The following CRYBG1 variants were observed in gnomAD, a reference collection of about 807,000 sequenced individuals.
The protein encoded by CRYBG1 is beta/gamma crystallin domain-containing protein 1.
CRYBG1 carries 139 observed loss-of-function variants against 189.2 expected under a neutral mutation model. The ratio of observed to expected loss-of-function variants is 0.73; its 90% CI spans 0.64 to 0.85. The LOEUF is 0.85. CRYBG1 is among the 40% of genes least tolerant of loss of function. CRYBG1 has a pLI of 0.00. For missense variants in CRYBG1, 2,611 were observed against 2,675.8 expected (o/e 0.98, Z 0.53); for synonymous variants, 1,023 against 1,017.1 (o/e 1.01, Z -0.11).
chr6:106,497,947 T>A (rs28478361), intron 2 of CRYBG1, among the ~76,000 whole-genome samples: 1 of 151,340 alleles, frequency 6.6e-6, no homozygotes, highest in Non-Finnish European at 1.5e-5. Flanking sequence ...AAAAAAAAAT[T>A]AAAAATAGCT....
At chr6:106,416,831 A>C (rs1370718545) in intron 1 of CRYBG1, among the ~76,000 whole-genome samples, 1 of 152,156 alleles carries the variant, frequency 6.6e-6, no homozygotes, top group Non-Finnish European at 1.5e-5. Flanking sequence ...TGTATAGTCT[A>C]ATCTCATTTT....
chr6:106,367,000 C>T (rs180874113), intron 1 of CRYBG1, among the ~76,000 whole-genome samples: 9 of 152,330 alleles, frequency 5.9e-5, no homozygotes, highest in Admixed American at 1.3e-4. Context: ...ACCCTTCATG[C>T]GCTCTCAGTG....
chr6:106,455,322 A>C (rs1771863841), intron 2 of CRYBG1, among the ~76,000 whole-genome samples: 1 of 152,100 alleles, frequency 6.6e-6, no homozygotes, highest in Non-Finnish European at 1.5e-5. Context: ...GTGAATTAAC[A>C]TTGTAGATTA....
chr6:106,367,584 T>TAA (rs35734014), intron 1 of CRYBG1, among the ~76,000 whole-genome samples: 56,208 of 103,046 alleles, frequency 0.55, 16,206 homozygotes, highest in East Asian at 0.85. Flanking sequence ...AGACTCTGTC[T>TAA]AAAAAAAAAA....
At chr6:106,499,049 A>AT in intron 2 of CRYBG1, among the ~76,000 whole-genome samples, 1 of 149,114 alleles carries the variant, frequency 6.7e-6, no homozygotes, top group Non-Finnish European at 1.5e-5. Context: ...TAATTTATAT[A>AT]TTTTTCATTG....
chr6:106,526,147 G>A (rs1233243629), intron 6 of CRYBG1, among the ~76,000 whole-genome samples: 2 of 152,236 alleles, frequency 1.3e-5, no homozygotes, highest in Admixed American at 6.5e-5. Context: ...AGTAAAGAGG[G>A]TAGACCTCTG....
chr6:106,422,349 T>TTTTTTTTTTTTTTTTTTTTTA (rs1771146521), intron 1 of CRYBG1, among the ~76,000 whole-genome samples: 2 of 151,686 alleles, frequency 1.3e-5, no homozygotes, highest in Admixed American at 6.6e-5. Context: ...TATTTATTTT[T>TTTTTTTTTTTTTTTTTTTTTA]GAGACATGGT....
At chr6:106,399,323 T>C (rs1270637485) in intron 1 of CRYBG1, among the ~76,000 whole-genome samples, 2 of 152,248 alleles carry the variant, frequency 1.3e-5, no homozygotes, top group African/African-American at 4.8e-5. Flanking sequence ...CCTTTAATCA[T>C]ATAAGTTATC....
At chr6:106,529,902 A>C (rs1336721180) in intron 7 of CRYBG1, among the ~76,000 whole-genome samples, 3 of 152,236 alleles carry the variant, frequency 2.0e-5, no homozygotes, top group Non-Finnish European at 4.4e-5. Context: ...AAAAAGAAAT[A>C]TATTCCAAAA....
chr6:106,566,111 T>A (rs1476384217), intron 21 of CRYBG1, among the ~76,000 whole-genome samples: 3 of 150,418 alleles, frequency 2.0e-5, no homozygotes, highest in Non-Finnish European at 4.4e-5. Context: ...CAACATGTAT[T>A]CACGGGGTAC....
At chr6:106,536,592 G>C (rs9486386) in intron 8 of CRYBG1, among the ~76,000 whole-genome samples, 45,743 of 152,068 alleles carry the variant, frequency 0.3, 7,207 homozygotes, top group South Asian at 0.37. Flanking sequence ...GATTTTTCTT[G>C]TGTGACTCAA....
At chr6:106,449,536 C>A (rs1008156753) in intron 1 of CRYBG1, 1 of 152,184 alleles carries the variant, frequency 6.6e-6, no homozygotes, top group African/African-American at 2.4e-5. Context: ...TTTGCTACTT[C>A]TTTGGCATAT....
intron 10 of CRYBG1, among the ~76,000 whole-genome samples, chr6:106,542,439 C>T (rs1018500056): frequency 6.6e-5 from 10 of 151,202 alleles, no homozygotes; most frequent in African/African-American, 2.2e-4. Flanking sequence ...TGTACCACTA[C>T]ACCCAACTTT....
chr6:106,520,392 A>G lies in CRYBG1; in HGVS notation c.3184A>G (p.Ser1062Gly). ...MAESSPTNSP[S>G]SGNHLATPQR... The stretch of plus-strand genomic sequence containing the variant: ...TGAATCCAGTCCCACCAACTCTCCC[A>G]GCAGCGGAAATCACTTAGCCACTCC... The change falls in exon 4 of 22, where the codon AGC becomes GGC. Residue 1062 changes from serine to glycine, a missense_variant. Physicochemically the swap from Ser to Gly is moderately conservative, Grantham distance 56. This residue lies in a region of CRYBG1 where 1,622 missense variants were observed against 1,735.0 expected (regional missense o/e 0.93). Coordinates refer to ENST00000633556, the MANE Select transcript of CRYBG1 (RefSeq NM_001371242.2). 6.2e-7 allele frequency: 1 copy of G among 1,614,104 alleles called. No individual in the cohort carries two copies. The highest frequency in any genetic ancestry group is 2.2e-5 in the East Asian group (1 of 44,888).
chr6:106,488,314 T>C (rs769996934), intron 2 of CRYBG1, among the ~76,000 whole-genome samples: 1 of 152,112 alleles, frequency 6.6e-6, no homozygotes, highest in Admixed American at 6.6e-5. Context: ...TTCTCTCCAG[T>C]GGTGTAGGGT....
intron 2 of CRYBG1, among the ~76,000 whole-genome samples, chr6:106,478,168 C>G (rs1346551941): frequency 1.3e-5 from 2 of 152,208 alleles, no homozygotes; most frequent in Non-Finnish European, 2.9e-5. Context: ...TCCTTCAACC[C>G]TGTTGGGTTA....
intron 1 of CRYBG1, among the ~76,000 whole-genome samples, chr6:106,391,954 TGTGTGTGTGTGTGTGTGC>T (rs112139329): frequency 0.08 from 10,718 of 133,796 alleles, 1,287 homozygotes; most frequent in African/African-American, 0.28. Context: ...TGTGTGTGTG[TGTGTGTGTGTGTGTGTGC>T]GTGCGCGTTT....
chr6:106,442,731 A>G (rs1207773435), intron 1 of CRYBG1, among the ~76,000 whole-genome samples: 1 of 152,222 alleles, frequency 6.6e-6, no homozygotes, highest in Non-Finnish European at 1.5e-5. Flanking sequence ...GACAGATGTT[A>G]TTATATGCCA....
intron 8 of CRYBG1, among the ~76,000 whole-genome samples, chr6:106,537,867 C>T (rs1774040747): frequency 6.6e-6 from 1 of 152,168 alleles, no homozygotes; most frequent in Non-Finnish European, 1.5e-5. Context: ...TCAGTAGGAG[C>T]CTGGTTGTAA....
Sources: allele counts gnomAD v4.1 joint callset (sites outside exome capture counted in the v4.1 genomes callset), GRCh38; gene constraint gnomAD v4.1.1; regional missense constraint gnomAD v4.1.1; transcripts MANE v1.5; gene names NCBI Gene and HGNC (gene_info 2026-07-23, HGNC 2026-07-21).